Variants in RSU1 observed in about 807,000 individuals in gnomAD.
RSU1 encodes Ras suppressor protein 1.
A neutral mutation model predicts 31.1 loss-of-function variants in RSU1; 26 were observed. The ratio of observed to expected loss-of-function variants is 0.84; its 90% CI spans 0.61 to 1.16. RSU1 has a LOEUF of 1.16. Among genes scored for constraint, RSU1 ranks in the 50% most tolerant of loss-of-function variants. The probability of loss-of-function intolerance (pLI) is 0.00; values close to 1 mark genes in which losing one functional copy is unlikely to be tolerated. For synonymous variants in RSU1, 164 were observed against 136.3 expected (o/e 1.20, Z -1.41); for missense variants, 320 against 339.1 (o/e 0.94, Z 0.44).
At chr10:16,728,660 G>A (rs138798373) in intron 7 of RSU1, among the ~76,000 whole-genome samples, 14 of 152,324 alleles carry the variant, frequency 9.2e-5, no homozygotes, top group Admixed American at 4.6e-4. Flanking sequence ...GGACTTTGTC[G>A]AAGTGGATAA....
intron 8 of RSU1, among the ~76,000 whole-genome samples, chr10:16,664,327 T>C (rs1376672040): frequency 6.6e-6 from 1 of 152,206 alleles, no homozygotes; most frequent in African/African-American, 2.4e-5. Context: ...ATGATGGCTC[T>C]AGCTCTGCGA....
chr10:16,654,585 G>A (rs191344572), intron 8 of RSU1, among the ~76,000 whole-genome samples: 1,540 of 151,110 alleles, frequency 0.01, 16 homozygotes, highest in Non-Finnish European at 0.014. Context: ...CACAAGAATC[G>A]CTTGAACCCG....
chr10:16,627,762 C>CA (rs74962434), intron 8 of RSU1, among the ~76,000 whole-genome samples: 9,220 of 67,524 alleles, frequency 0.14, 969 homozygotes, highest in African/African-American at 0.34. Flanking sequence ...CATCTCAATA[C>CA]AAAAAAAAAA....
intron 4 of RSU1, among the ~76,000 whole-genome samples, chr10:16,755,444 A>C (rs541410017): frequency 8.4e-4 from 128 of 152,192 alleles, no homozygotes; most frequent in African/African-American, 3.0e-3. Flanking sequence ...TAATTAAAAA[A>C]AGCATTTATT....
intron 3 of RSU1, among the ~76,000 whole-genome samples, chr10:16,779,900 AG>A (rs1302774043): frequency 6.6e-6 from 1 of 152,238 alleles, no homozygotes; most frequent in Non-Finnish European, 1.5e-5. Flanking sequence ...ATCGGGTGTC[AG>A]TGACGCTACT....
intron 8 of RSU1, among the ~76,000 whole-genome samples, chr10:16,611,160 A>G (rs912007815): frequency 6.6e-6 from 1 of 152,146 alleles, no homozygotes; most frequent in Non-Finnish European, 1.5e-5. Context: ...GCTTGGGTGC[A>G]TTCATGAGTT....
intron 8 of RSU1, among the ~76,000 whole-genome samples, chr10:16,620,484 C>CA (rs1834049807): frequency 6.6e-6 from 1 of 150,926 alleles, no homozygotes; most frequent in African/African-American, 2.4e-5. Flanking sequence ...GTGGCCTCAG[C>CA]AGGTCTCACG....
chr10:16,778,921 A>G (rs1019083868), intron 3 of RSU1, among the ~76,000 whole-genome samples: 3 of 152,188 alleles, frequency 2.0e-5, no homozygotes, highest in Non-Finnish European at 4.4e-5. Context: ...GTGCTCAAAG[A>G]AAGCATTATT....
intron 8 of RSU1, among the ~76,000 whole-genome samples, chr10:16,667,545 T>A (rs1182797917): frequency 6.6e-6 from 1 of 152,058 alleles, no homozygotes; most frequent in East Asian, 1.9e-4. Flanking sequence ...TGGAGTGCAC[T>A]GGTGCTATCT....
At chr10:16,816,291 A>G (rs1310113349) in intron 2 of RSU1, among the ~76,000 whole-genome samples, 1 of 152,186 alleles carries the variant, frequency 6.6e-6, no homozygotes, top group Non-Finnish European at 1.5e-5. Flanking sequence ...TGGGACACCT[A>G]TCACCTAGTT....
intron 8 of RSU1, among the ~76,000 whole-genome samples, chr10:16,624,648 T>G (rs74125999): frequency 0.017 from 2,659 of 152,278 alleles, 70 homozygotes; most frequent in African/African-American, 0.061. Flanking sequence ...CTTCTCTTAT[T>G]CACTCATAGT....
At chr10:16,744,815 T>C (rs1836817769) in intron 7 of RSU1, among the ~76,000 whole-genome samples, 1 of 152,198 alleles carries the variant, frequency 6.6e-6, no homozygotes, top group Non-Finnish European at 1.5e-5. Context: ...CTTCTTGCTA[T>C]GTCTTTTGTC....
intron 8 of RSU1, among the ~76,000 whole-genome samples, chr10:16,656,194 AC>A (rs1834774678): frequency 6.6e-6 from 1 of 152,146 alleles, no homozygotes; most frequent in Non-Finnish European, 1.5e-5. Flanking sequence ...ACTTAAGAAA[AC>A]TATTAATATT....
intron 7 of RSU1, among the ~76,000 whole-genome samples, chr10:16,745,816 C>T (rs1480278124): frequency 6.6e-6 from 1 of 152,188 alleles, no homozygotes; most frequent in African/African-American, 2.4e-5. Flanking sequence ...GAGTCCAGCA[C>T]TTAACCTCTA....
chr10:16,697,724 G>A (rs994049299), intron 7 of RSU1, among the ~76,000 whole-genome samples: 3 of 151,444 alleles, frequency 2.0e-5, no homozygotes, highest in African/African-American at 4.9e-5. Flanking sequence ...AAAAGCAGCA[G>A]AAGCCATGAA....
At chr10:16,644,422 C>T (rs1213534190) in intron 8 of RSU1, among the ~76,000 whole-genome samples, 2 of 152,222 alleles carry the variant, frequency 1.3e-5, no homozygotes, top group Non-Finnish European at 2.9e-5. Flanking sequence ...GCATTTCCCA[C>T]GTGCCAGATA....
At chr10:16,722,946 GTATATATACACA>G (rs1836306376) in intron 7 of RSU1, 3 of 144,964 alleles carry the variant, frequency 2.1e-5, no homozygotes, top group Admixed American at 7.0e-5. Context: ...ATACATATAT[GTATATATACACA>G]CATATACATA....
At chr10:16,675,104 G>A (rs1185012829) in intron 8 of RSU1, among the ~76,000 whole-genome samples, 1 of 151,316 alleles carries the variant, frequency 6.6e-6, no homozygotes, top group Admixed American at 6.6e-5. Flanking sequence ...TGTTTGGGAG[G>A]CTGAGGCATG....
chr10:16,667,492 A>T (rs971358147), intron 8 of RSU1, among the ~76,000 whole-genome samples: 1 of 146,424 alleles, frequency 6.8e-6, no homozygotes, highest in Non-Finnish European at 1.5e-5. Context: ...TTATTTATTA[A>T]TTTTTTTTTT....
Sources: gnomAD v4.1 joint callset for allele counts (sites outside exome capture counted in the v4.1 genomes callset) on GRCh38, gnomAD v4.1.1 for gene constraint, MANE v1.5 for transcripts, NCBI Gene and HGNC (gene_info 2026-07-23, HGNC 2026-07-21) for gene names.